Variants in AR observed in about 807,000 individuals in gnomAD.
AR encodes the protein androgen receptor.
In AR, 8 loss-of-function variants were observed where a neutral mutation model predicts 53.9. The observed-to-expected ratio is 0.15, with a 90% confidence interval of 0.09 to 0.27. The LOEUF is 0.27. Among genes scored for constraint, AR ranks in the 10% least tolerant of loss-of-function variants. AR has a pLI of 1.00. For synonymous variants in AR, 359 were observed against 316.4 expected, an observed-to-expected ratio of 1.13 and a Z score of -1.43; for missense variants, 639 against 742.5, an observed-to-expected ratio of 0.86 and a Z score of 1.62.
intron 1 of AR, among the ~76,000 whole-genome samples, chrX:67,628,602 T>C (rs1924846898): frequency 9.2e-6 from 1 of 109,071 alleles, no homozygotes; most frequent in African/African-American, 3.3e-5. Context: ...TTTGACTTCC[T>C]CTTTTCCTAA....
At chrX:67,688,758 A>T (rs2075980353) in intron 3 of AR, among the ~76,000 whole-genome samples, 1 of 111,543 alleles carries the variant, frequency 9.0e-6, no homozygotes, top group Non-Finnish European at 1.9e-5. Flanking sequence ...TTGCTGAATG[A>T]ACTTATCTCC....
rs184720555 is a variant in AR at position 67,610,727 on chromosome X, G to A, written c.1617-32529G>A. ...TTGCACAACTTTCAATTGTATGGCTGTCTTGTAATTTACTTTTTGTTTCCC... is the reference window on the plus strand; with the variant it reads ...TTGCACAACTTTCAATTGTATGGCTATCTTGTAATTTACTTTTTGTTTCCC... On this transcript the variant is annotated intron_variant, in intron 1 of 7. Coordinates refer to ENST00000374690, the MANE Select transcript of AR (RefSeq NM_000044.6). 9.6e-3 allele frequency among the ~76,000 whole-genome samples: 1,068 copies of A among 111,714 alleles called. 30 individuals carry two copies. The highest frequency in any genetic ancestry group is 0.078 in the Admixed American group (814 of 10,467).
Position 67,651,361 on chromosome X carries a change from G to C in AR, c.1768+7954G>C, listed in dbSNP as rs138023277. Among the ~76,000 whole-genome samples, 60 of 111,031 alleles carry C rather than the reference G, an allele frequency of 5.4e-4. No homozygotes were observed. In the East Asian group the frequency reaches 0.015, roughly 28 times the overall value. ...TGGCAATCTTTAAAGCTCTTCAGTG[G>C]ATGAAAGGCCACCCTATCTGCTGTC... On this transcript the variant is annotated intron_variant, in intron 2 of 7. Coordinates refer to ENST00000374690, the MANE Select transcript of AR (RefSeq NM_000044.6).
At chrX:67,680,929 C>T in intron 2 of AR, 1 of 228,767 alleles carries the variant, frequency 4.4e-6, no homozygotes, top group Non-Finnish European at 8.2e-6. Flanking sequence ...CACAGAGCAA[C>T]ATCAGACAGT....
intron 1 of AR, among the ~76,000 whole-genome samples, chrX:67,597,295 A>T (rs1569278499): frequency 9.0e-6 from 1 of 111,394 alleles, no homozygotes. Context: ...AATAGGCTGG[A>T]TTTGGCTCTG....
intron 2 of AR, among the ~76,000 whole-genome samples, chrX:67,670,934 A>G (rs113454370): frequency 9.1e-4 from 102 of 111,598 alleles, no homozygotes; most frequent in African/African-American, 3.0e-3. Context: ...ACATGAACTC[A>G]TCCTTTTTGA....
intron 2 of AR, among the ~76,000 whole-genome samples, chrX:67,677,156 AAGAG>A (rs896970154): frequency 1.8e-5 from 2 of 111,230 alleles, no homozygotes; most frequent in South Asian, 3.9e-4. Flanking sequence ...TATGAAAGGA[AAGAG>A]AGAGAGACTT....
intron 1 of AR, among the ~76,000 whole-genome samples, chrX:67,567,885 TCTC>T (rs1184243304): frequency 8.9e-6 from 1 of 111,858 alleles, no homozygotes. Flanking sequence ...GATAAAATCT[TCTC>T]CTGTTTTTTC....
At chrX:67,592,636 G>GAAA (rs11380458) in intron 1 of AR, among the ~76,000 whole-genome samples, 6 of 91,506 alleles carry the variant, frequency 6.6e-5, no homozygotes, top group Admixed American at 3.7e-4. Context: ...AATATTCCCA[G>GAAA]AAAAAAAAAA....
intron 1 of AR, among the ~76,000 whole-genome samples, chrX:67,566,592 A>G (rs1404059073): frequency 1.8e-5 from 2 of 111,553 alleles, no homozygotes; most frequent in African/African-American, 6.5e-5. Flanking sequence ...ATTGTTAAGT[A>G]GGATCTATGG....
At chrX:67,681,084 G>A (rs1426922033) in intron 2 of AR, 2 of 136,685 alleles carry the variant, frequency 1.5e-5, no homozygotes, top group Non-Finnish European at 2.9e-5. Context: ...TCTAGAGTGT[G>A]GCCTTACCTA....
At chrX:67,625,477 C>T (rs759499215) in intron 1 of AR, among the ~76,000 whole-genome samples, 110 of 110,918 alleles carry the variant, frequency 9.9e-4, no homozygotes, top group Non-Finnish European at 1.8e-3. Flanking sequence ...ACAAAGTCGG[C>T]GTACCCATGC....
At chrX:67,622,310 A>G (rs1374184832) in intron 1 of AR, among the ~76,000 whole-genome samples, 1 of 108,049 alleles carries the variant, frequency 9.3e-6, no homozygotes, top group African/African-American at 3.6e-5. Context: ...TGATGGCTAG[A>G]AAGCCATTGG....
intron 1 of AR, among the ~76,000 whole-genome samples, chrX:67,570,684 A>G (rs747089780): frequency 9.0e-6 from 1 of 111,249 alleles, no homozygotes; most frequent in East Asian, 2.9e-4. Context: ...CTGATAAGAC[A>G]TCACAAATAA....
intron 2 of AR, among the ~76,000 whole-genome samples, chrX:67,675,317 T>A (rs1375849504): frequency 9.1e-6 from 1 of 110,057 alleles, no homozygotes; most frequent in Admixed American, 9.8e-5. Context: ...TCTTACTAGG[T>A]CGCATGTTCC....
intron 1 of AR, among the ~76,000 whole-genome samples, chrX:67,608,330 T>C (rs1923725395): frequency 8.9e-6 from 1 of 112,295 alleles, no homozygotes; most frequent in Non-Finnish European, 1.9e-5. Flanking sequence ...GTATATTTCA[T>C]TAACAGAAGT....
intron 1 of AR, among the ~76,000 whole-genome samples, chrX:67,562,243 C>T (rs973111889): frequency 5.5e-5 from 6 of 109,914 alleles, no homozygotes; most frequent in African/African-American, 1.3e-4. Context: ...AGATTACAGG[C>T]GTGAATCAAT....
At chrX:67,636,166 A>G (rs1315547179) in intron 1 of AR, among the ~76,000 whole-genome samples, 2 of 111,069 alleles carry the variant, frequency 1.8e-5, no homozygotes, top group Non-Finnish European at 3.8e-5. Flanking sequence ...GTTCACTGCT[A>G]TATCCCCAGG....
At chrX:67,717,690 G>A (rs1180478046) in intron 5 of AR, 68 bp downstream of exon 5, 1 of 1,167,246 alleles carries the variant, frequency 8.6e-7, no homozygotes, top group African/African-American at 1.8e-5. Flanking sequence ...TGGTGGTGAT[G>A]GTGATGGGGT....
Sources: allele counts gnomAD v4.1 joint callset (sites outside exome capture counted in the v4.1 genomes callset), GRCh38; gene constraint gnomAD v4.1.1; transcripts MANE v1.5; gene names NCBI Gene and HGNC (gene_info 2026-07-23, HGNC 2026-07-21).